Variants in TANC2 observed in about 807,000 individuals in gnomAD.
TANC2 encodes tetratricopeptide repeat, ankyrin repeat and coiled-coil containing 2.
Under a neutral mutation model 210.5 loss-of-function variants are expected in TANC2, and 26 were observed. That is an observed-to-expected ratio of 0.12 (90% CI 0.09 to 0.17). The LOEUF (loss-of-function observed/expected upper bound fraction) is 0.17. TANC2 is among the 10% of genes least tolerant of loss of function. The pLI is 1.00. For synonymous variants in TANC2, 931 were observed against 967.1 expected (o/e 0.96, Z 0.69); for missense variants, 2,129 against 2,608.9 (o/e 0.82, Z 4.01).
At chr17:63,402,291 C>T (rs981223311) in intron 19 of TANC2, among the ~76,000 whole-genome samples, 2 of 152,196 alleles carry the variant, frequency 1.3e-5, no homozygotes, top group Non-Finnish European at 2.9e-5. Flanking sequence ...TCTCAGAAAC[C>T]TCTTCCTCTG....
chr17:63,132,240 G>T (rs1416559211), intron 4 of TANC2, among the ~76,000 whole-genome samples: 2 of 151,266 alleles, frequency 1.3e-5, no homozygotes, highest in Non-Finnish European at 2.9e-5. Context: ...CTACTACTAG[G>T]ATTTTTTTTT....
intron 3 of TANC2, among the ~76,000 whole-genome samples, chr17:63,080,055 C>T (rs1194667939): frequency 6.6e-6 from 1 of 152,158 alleles, no homozygotes; most frequent in African/African-American, 2.4e-5. Context: ...CACTATATTA[C>T]TTACTATATT....
chr17:63,063,028 GA>G (rs2036051400), intron 2 of TANC2, among the ~76,000 whole-genome samples: 1 of 152,214 alleles, frequency 6.6e-6, no homozygotes, highest in East Asian at 1.9e-4. Flanking sequence ...TTCTGACAAG[GA>G]AAAAAATTGG....
chr17:63,111,213 G>T (rs529538282), intron 4 of TANC2, among the ~76,000 whole-genome samples: 1 of 152,238 alleles, frequency 6.6e-6, no homozygotes, highest in Admixed American at 6.5e-5. Context: ...TACTCGGGAG[G>T]CTGAGGCTGG....
chr17:63,130,265 T>A (rs1379094283), intron 4 of TANC2, among the ~76,000 whole-genome samples: 2 of 152,286 alleles, frequency 1.3e-5, no homozygotes, highest in East Asian at 3.9e-4. Flanking sequence ...TCCCAGCACC[T>A]TATGAGGCCA....
At chr17:63,032,635 A>G (rs903464063) in intron 2 of TANC2, among the ~76,000 whole-genome samples, 2 of 152,112 alleles carry the variant, frequency 1.3e-5, no homozygotes, top group African/African-American at 4.8e-5. Context: ...TTACTTTTTA[A>G]TTTACTTAAC....
intron 10 of TANC2, among the ~76,000 whole-genome samples, chr17:63,316,266 G>A (rs2045309573): frequency 6.7e-6 from 1 of 150,224 alleles, no homozygotes; most frequent in African/African-American, 2.5e-5. Context: ...CAAGTGGCTT[G>A]CAATTTGAGT....
chr17:63,003,775 A>G (rs2033489065), intron 1 of TANC2, among the ~76,000 whole-genome samples: 1 of 152,136 alleles, frequency 6.6e-6, no homozygotes, highest in South Asian at 2.1e-4. Context: ...TTATCTTAGC[A>G]GATGTTTTTA....
At chr17:63,226,113 TA>T (rs1208855808) in intron 7 of TANC2, among the ~76,000 whole-genome samples, 1 of 152,244 alleles carries the variant, frequency 6.6e-6, no homozygotes, top group African/African-American at 2.4e-5. Flanking sequence ...TATTTTTTAT[TA>T]TTTTGATTAC....
At chr17:63,053,102 C>T (rs189425907) in intron 2 of TANC2, among the ~76,000 whole-genome samples, 94 of 152,240 alleles carry the variant, frequency 6.2e-4, no homozygotes, top group African/African-American at 2.3e-3. Context: ...TCAGTGTCAA[C>T]AACATCCTTG....
intron 9 of TANC2, among the ~76,000 whole-genome samples, chr17:63,279,774 A>G (rs1267479760): frequency 6.6e-6 from 1 of 152,146 alleles, no homozygotes; most frequent in Admixed American, 6.6e-5. Flanking sequence ...ATTGTTCCCA[A>G]GGAGTCCCCC....
Position 63,421,700 on chromosome 17 carries a change from C to T in TANC2, c.5970C>T (p.Thr1990=). ...GCAACATTGCCTTTTATAACAAAAC[C>T]AACAATGCACAGAATGGCCATTTGC... The change falls in exon 28 of 28, where the codon ACC becomes ACT. Residue 1990 remains threonine, a synonymous_variant. Coordinates refer to ENST00000689528, the Ensembl canonical transcript of TANC2. This position sits in a 1 kb window ranked among gnomAD's most constrained non-coding sequence, Gnocchi z 6.9. The T allele has an allele frequency of 6.2e-7, 1 of 1,614,046 alleles. No homozygotes were observed. Among genetic ancestry groups the T allele is most frequent in the Non-Finnish European group, 8.5e-7 (1 of 1,179,902 alleles).
intron 9 of TANC2, among the ~76,000 whole-genome samples, chr17:63,309,082 A>G (rs2045027466): frequency 1.3e-5 from 2 of 152,096 alleles, no homozygotes; most frequent in Admixed American, 1.3e-4. Flanking sequence ...ATTCCTTTCT[A>G]TTTTAATGTC....
At chr17:63,358,978 G>GTA (rs1372508162) in intron 14 of TANC2, among the ~76,000 whole-genome samples, 1 of 102,284 alleles carries the variant, frequency 9.8e-6, no homozygotes, top group Non-Finnish European at 2.6e-5. Flanking sequence ...ATTAATATTT[G>GTA]TGTGTGTGTG....
intron 1 of TANC2, among the ~76,000 whole-genome samples, chr17:62,974,411 T>TA (rs1269908672): frequency 3.3e-5 from 5 of 152,138 alleles, no homozygotes; most frequent in African/African-American, 1.2e-4. Context: ...AGATCATTGT[T>TA]ATATTTTTAA....
At chr17:63,024,328 G>A (rs2034465405) in intron 2 of TANC2, among the ~76,000 whole-genome samples, 1 of 152,142 alleles carries the variant, frequency 6.6e-6, no homozygotes, top group Admixed American at 6.5e-5. Flanking sequence ...GACAAAGGGT[G>A]GATTATTTAT....
chr17:63,094,737 C>A (rs2037324977), intron 3 of TANC2, among the ~76,000 whole-genome samples: 2 of 152,090 alleles, frequency 1.3e-5, no homozygotes, highest in South Asian at 4.1e-4. Context: ...CCTAACATTT[C>A]TTTGGTGTCC....
intron 11 of TANC2, 78 bp downstream of exon 11, chr17:63,319,168 C>A (rs2045414319): frequency 7.0e-7 from 1 of 1,424,650 alleles, no homozygotes; most frequent in Admixed American, 2.4e-5. Flanking sequence ...AGACCTTTGG[C>A]AAAGTGAACA....
At chr17:63,076,315 T>C (rs937978027) in intron 3 of TANC2, among the ~76,000 whole-genome samples, 1 of 152,146 alleles carries the variant, frequency 6.6e-6, no homozygotes, top group Non-Finnish European at 1.5e-5. Context: ...AATGGGAGAA[T>C]TGGACCTTAG....
Sources: gnomAD v4.1 joint callset for allele counts (sites outside exome capture counted in the v4.1 genomes callset) on GRCh38, gnomAD v4.1.1 for gene constraint, Gnocchi (gnomAD v3.1) non-coding constraint, MANE v1.5 for transcripts, NCBI Gene and HGNC (gene_info 2026-07-23, HGNC 2026-07-21) for gene names.